Variants in MYO18B observed in about 807,000 individuals in gnomAD.
MYO18B encodes the protein myosin XVIIIB, also known as unconventional myosin-XVIIIb.
A neutral mutation model predicts 273.0 loss-of-function variants in MYO18B; 204 were observed. That is an observed-to-expected ratio of 0.75 (90% CI 0.67 to 0.84). The LOEUF (loss-of-function observed/expected upper bound fraction) is 0.84, where lower values mean the gene tolerates loss of function less well. MYO18B is among the 40% of genes least tolerant of loss of function. The probability of loss-of-function intolerance (pLI) is 0.00; values close to 1 mark genes in which losing one functional copy is unlikely to be tolerated. For synonymous variants in MYO18B, 1,330 were observed against 1,305.7 expected, an observed-to-expected ratio of 1.02 and a Z score of -0.40; for missense variants, 3,212 against 3,287.6, an observed-to-expected ratio of 0.98 and a Z score of 0.56.
At chr22:25,995,569 G>T (rs527396836) in intron 40 of MYO18B, among the ~76,000 whole-genome samples, 25 of 152,090 alleles carry the variant, frequency 1.6e-4, no homozygotes, top group African/African-American at 5.5e-4. Context: ...ATTATAAAAT[G>T]AAAAGGAAAA....
chr22:25,950,524 G>GTGTATGTGTGTGTGTGTGTA, intron 37 of MYO18B, 74 bp downstream of exon 37: 3 of 623,862 alleles, frequency 4.8e-6, no homozygotes, highest in Non-Finnish European at 8.2e-6. Context: ...TAGGATGTGT[G>GTGTATGTGTGTGTGTGTGTA]TGTGTGTGTG....
intron 39 of MYO18B, among the ~76,000 whole-genome samples, chr22:25,984,741 GA>G (rs1400351555): frequency 6.6e-6 from 1 of 151,892 alleles, no homozygotes; most frequent in African/African-American, 2.4e-5. Flanking sequence ...AGGTTACAGT[GA>G]GCTGTGATTG....
chr22:25,939,467 A>G (rs6004843), intron 34 of MYO18B, among the ~76,000 whole-genome samples: 4,359 of 152,318 alleles, frequency 0.029, 191 homozygotes, highest in African/African-American at 0.092. Context: ...TGCTTCAGAA[A>G]GAGTGAACTT....
At chr22:26,051,418 T>C in the MYO18B span, among the ~76,000 whole-genome samples, 1 of 152,020 alleles carries the variant, frequency 6.6e-6, no homozygotes, top group South Asian at 2.1e-4. Context: ...AGAGACAGGG[T>C]TTCATCGTGT....
chr22:26,061,085 GC>G, the MYO18B span, among the ~76,000 whole-genome samples: 4 of 136,286 alleles, frequency 2.9e-5, no homozygotes, highest in African/African-American at 3.3e-5. Context: ...GCTACTGTTG[GC>G]TTGGCCCCCT....
In MYO18B at chr22:25,888,528, C is replaced by A. The variant is rs113217556; in HGVS notation, c.4315-2228C>A. ...CCTCCTACCTCAGCCTGTCAAAGCA[C>A]TGGGATTACAAACATGAGCTATCAT... On this transcript the variant is annotated intron_variant, in intron 25 of 43. Coordinates refer to ENST00000335473, the MANE Select transcript of MYO18B (RefSeq NM_032608.7). 4.5e-3 allele frequency among the ~76,000 whole-genome samples: 686 copies of A among 152,344 alleles called. 5 individuals carry two copies. The highest frequency in any genetic ancestry group is 0.016 in the African/African-American group (662 of 41,594).
In MYO18B at chr22:26,030,484, A is replaced by G. The variant is rs1387679732; in HGVS notation, c.*54A>G. On this transcript the variant is annotated 3_prime_UTR_variant, in exon 44 of 44. Transcript: ENST00000335473. The stretch of plus-strand genomic sequence containing the variant: ...CTTGAAGACTTCCCGACTCTACAAT[A>G]ACTTGGAGACAGAGAGACTGGCCAG... 1 of 159,606 alleles carries G rather than the reference A, an allele frequency of 6.3e-6. No homozygotes were observed. Among genetic ancestry groups the G allele is most frequent in the Admixed American group, 6.5e-5 (1 of 15,476 alleles). 9.9% of individuals were successfully genotyped at this position (159,606 alleles called of 1,614,324 possible).
At chr22:26,025,376 C>T (rs150870118) in intron 42 of MYO18B, among the ~76,000 whole-genome samples, 1 of 152,258 alleles carries the variant, frequency 6.6e-6, no homozygotes, top group Non-Finnish European at 1.5e-5. Context: ...AAGAAGTCTT[C>T]CTCAAAGTCT....
chr22:26,047,309 G>A, the MYO18B span, among the ~76,000 whole-genome samples: 1 of 152,052 alleles, frequency 6.6e-6, no homozygotes, highest in African/African-American at 2.4e-5. Context: ...TGTATTTTTA[G>A]TAGAGACGGG....
intron 33 of MYO18B, among the ~76,000 whole-genome samples, chr22:25,913,345 A>T (rs114663447): frequency 6.8e-6 from 1 of 148,004 alleles, no homozygotes; most frequent in Non-Finnish European, 1.5e-5. Context: ...CATTTTTCAC[A>T]TGTTGATTGT....
chr22:26,025,334 G>A (rs879291684), intron 42 of MYO18B, among the ~76,000 whole-genome samples: 3 of 152,148 alleles, frequency 2.0e-5, no homozygotes, highest in Admixed American at 2.0e-4. Context: ...GTGTGATCAG[G>A]AGTGGAAGTG....
intron 7 of MYO18B, among the ~76,000 whole-genome samples, chr22:25,772,937 T>C (rs2019162869): frequency 6.6e-6 from 1 of 152,116 alleles, no homozygotes; most frequent in Non-Finnish European, 1.5e-5. Context: ...CGAGCAGAGT[T>C]GCTGGGAGAA....
chr22:25,918,350 A>C (rs1372085206), intron 33 of MYO18B, among the ~76,000 whole-genome samples: 1 of 152,236 alleles, frequency 6.6e-6, no homozygotes, highest in Non-Finnish European at 1.5e-5. Flanking sequence ...TTTATGATAA[A>C]TGGTGAACCA....
intron 39 of MYO18B, among the ~76,000 whole-genome samples, chr22:25,963,598 A>G (rs537765880): frequency 6.7e-6 from 1 of 149,858 alleles, no homozygotes; most frequent in African/African-American, 2.5e-5. Context: ...TTTCCCAATA[A>G]GGTCCCATTC....
At chr22:26,007,081 T>C (rs377485096) in intron 42 of MYO18B, among the ~76,000 whole-genome samples, 152 of 152,268 alleles carry the variant, frequency 1.0e-3, no homozygotes, top group African/African-American at 3.6e-3. Flanking sequence ...CTTGGGCATG[T>C]TCAGCTGCTG....
intron 42 of MYO18B, among the ~76,000 whole-genome samples, chr22:26,007,618 C>T (rs1934540769): frequency 6.6e-6 from 1 of 152,116 alleles, no homozygotes; most frequent in Non-Finnish European, 1.5e-5. Flanking sequence ...ATTATGAACC[C>T]CTTCCTTTGA....
chr22:25,907,768 C>T (rs2092074319), intron 31 of MYO18B, among the ~76,000 whole-genome samples: 1 of 152,146 alleles, frequency 6.6e-6, no homozygotes, highest in Non-Finnish European at 1.5e-5. Flanking sequence ...GGCCCGGTGG[C>T]TCACACCTAT....
chr22:26,032,517 G>GTTTTT (rs869157490), downstream of MYO18B, among the ~76,000 whole-genome samples: 6 of 117,610 alleles, frequency 5.1e-5, no homozygotes, highest in African/African-American at 1.7e-4. Flanking sequence ...TAATCACCCT[G>GTTTTT]TTTTTTTTTT....
At chr22:26,063,817 T>C in the MYO18B span, among the ~76,000 whole-genome samples, 1 of 152,234 alleles carries the variant, frequency 6.6e-6, no homozygotes, top group African/African-American at 2.4e-5. Flanking sequence ...AAAAATAGTG[T>C]GATAGCAATT....
Sources: allele counts gnomAD v4.1 joint callset (sites outside exome capture counted in the v4.1 genomes callset), GRCh38; gene constraint gnomAD v4.1.1; transcripts MANE v1.5; gene names NCBI Gene and HGNC (gene_info 2026-07-23, HGNC 2026-07-21).